Variants in CSMD3 observed in about 807,000 individuals in gnomAD.
The protein encoded by CSMD3 is CUB and sushi domain-containing protein 3.
A neutral mutation model predicts 435.2 loss-of-function variants in CSMD3; 177 were observed. The observed-to-expected ratio is 0.41, with a 90% CI of 0.36 to 0.46. The LOEUF (loss-of-function observed/expected upper bound fraction) is 0.46, where lower values mean the gene tolerates loss of function less well. CSMD3 is among the 20% of genes least tolerant of loss of function. The pLI is 0.34. For synonymous variants in CSMD3, 1,656 were observed against 1,520.5 expected (o/e 1.09, Z -2.07); for missense variants, 4,265 against 4,504.6 (o/e 0.95, Z 1.52).
chr8:112,300,068 T>C (rs1820763468), intron 53 of CSMD3, among the ~76,000 whole-genome samples: 1 of 149,060 alleles, frequency 6.7e-6, no homozygotes, highest in South Asian at 2.1e-4. Flanking sequence ...TTTAAAATGC[T>C]TTTAAAATTT....
intron 3 of CSMD3, among the ~76,000 whole-genome samples, chr8:113,263,304 A>G (rs2093441891): frequency 6.6e-6 from 1 of 152,072 alleles, no homozygotes; most frequent in South Asian, 2.1e-4. Flanking sequence ...AATTATTTTT[A>G]CTACATACTT....
chr8:113,153,074 GAAAA>G (rs765475595), intron 4 of CSMD3, among the ~76,000 whole-genome samples: 2 of 69,844 alleles, frequency 2.9e-5, no homozygotes, highest in Non-Finnish European at 2.6e-5. Flanking sequence ...AAAAAAGAAA[GAAAA>G]AGAAAGAAAG....
At chr8:112,697,456 G>A (rs939431582) in intron 13 of CSMD3, among the ~76,000 whole-genome samples, 3 of 152,098 alleles carry the variant, frequency 2.0e-5, no homozygotes, top group Non-Finnish European at 4.4e-5. Context: ...GGACGTGGAT[G>A]TTTGCATCAT....
intron 5 of CSMD3, among the ~76,000 whole-genome samples, chr8:113,072,510 T>C (rs969594580): frequency 6.6e-6 from 1 of 151,862 alleles, no homozygotes; most frequent in Non-Finnish European, 1.5e-5. Flanking sequence ...AAATTACGAA[T>C]GGATGCCCAC....
chr8:113,241,880 T>C (rs11984724), intron 3 of CSMD3, among the ~76,000 whole-genome samples: 24,639 of 151,552 alleles, frequency 0.16, 3,976 homozygotes, highest in African/African-American at 0.41. Context: ...TTTTTGTCCA[T>C]GATAGGTCCT....
chr8:112,407,267 A>AGT (rs1831942114), intron 34 of CSMD3, among the ~76,000 whole-genome samples: 2 of 152,032 alleles, frequency 1.3e-5, no homozygotes, highest in African/African-American at 2.4e-5. Flanking sequence ...TAGGTAGAAT[A>AGT]TATGTCAGAC....
At chr8:113,305,162 GA>G (rs1396941309) in intron 2 of CSMD3, among the ~76,000 whole-genome samples, 1 of 127,452 alleles carries the variant, frequency 7.8e-6, no homozygotes, top group Admixed American at 8.3e-5. Context: ...GGGGTTGGGG[GA>G]GGGGGGAGGG....
chr8:112,345,787 C>T (rs1825607353), intron 41 of CSMD3, among the ~76,000 whole-genome samples: 1 of 151,676 alleles, frequency 6.6e-6, no homozygotes, highest in Non-Finnish European at 1.5e-5. Flanking sequence ...AAAATGTATA[C>T]AAATTTCAAA....
At chr8:112,969,634 A>G (rs2130903229) in intron 7 of CSMD3, among the ~76,000 whole-genome samples, 1 of 152,158 alleles carries the variant, frequency 6.6e-6, no homozygotes, top group African/African-American at 2.4e-5. Context: ...GTAGTTATCT[A>G]AGTTAAATTC....
At chr8:112,602,488 C>T (rs1378535225) in intron 22 of CSMD3, among the ~76,000 whole-genome samples, 1 of 151,166 alleles carries the variant, frequency 6.6e-6, no homozygotes, top group African/African-American at 2.4e-5. Context: ...GTCATTTAAA[C>T]CCAGGAGGCG....
intron 2 of CSMD3, chr8:113,313,041 G>A (rs1387744000): frequency 6.6e-6 from 1 of 152,176 alleles, no homozygotes; most frequent in Non-Finnish European, 1.5e-5. Flanking sequence ...AGTGTCATCT[G>A]ACTGGAAGCA....
intron 15 of CSMD3, among the ~76,000 whole-genome samples, chr8:112,683,196 C>T (rs527253495): frequency 1.5e-4 from 23 of 151,864 alleles, no homozygotes; most frequent in African/African-American, 3.9e-4. Flanking sequence ...TTAATTCTTT[C>T]GCAATTACCA....
chr8:112,538,829 T>A (rs1365840981), intron 27 of CSMD3: 1 of 152,008 alleles, frequency 6.6e-6, no homozygotes, highest in African/African-American at 2.4e-5. Flanking sequence ...ATTTTCTTGC[T>A]CCTTGGCCAT....
At chr8:112,863,109 C>A (rs2080872139) in intron 10 of CSMD3, among the ~76,000 whole-genome samples, 1 of 151,928 alleles carries the variant, frequency 6.6e-6, no homozygotes, top group East Asian at 1.9e-4. Context: ...TAATATTAAC[C>A]CTTTTATATG....
intron 3 of CSMD3, among the ~76,000 whole-genome samples, chr8:113,192,567 T>A (rs2092600917): frequency 6.6e-6 from 1 of 151,662 alleles, no homozygotes; most frequent in African/African-American, 2.4e-5. Flanking sequence ...CTACCACTTT[T>A]TCTCTTATTT....
intron 16 of CSMD3, among the ~76,000 whole-genome samples, chr8:112,672,041 C>T (rs972381802): frequency 3.9e-5 from 6 of 151,974 alleles, no homozygotes; most frequent in African/African-American, 1.2e-4. Flanking sequence ...TCAAGAGATA[C>T]ACATTTTCTA....
At chr8:112,518,828 G>A (rs1016827587) in intron 27 of CSMD3, among the ~76,000 whole-genome samples, 2 of 152,206 alleles carry the variant, frequency 1.3e-5, no homozygotes, top group East Asian at 3.9e-4. Flanking sequence ...GGCTTAGTAG[G>A]AAGCATGGCT....
chr8:113,272,010 A>G (rs1426780285), intron 3 of CSMD3, among the ~76,000 whole-genome samples: 1 of 152,156 alleles, frequency 6.6e-6, no homozygotes, highest in Non-Finnish European at 1.5e-5. Context: ...TCAGACTTGC[A>G]TGGGCCTTGT....
chr8:113,388,389 C>T (rs1052834010), intron 1 of CSMD3, among the ~76,000 whole-genome samples: 9 of 151,266 alleles, frequency 5.9e-5, no homozygotes, highest in Non-Finnish European at 1.2e-4. Context: ...CATTGTGGTA[C>T]TATCTCCTGA....
Sources: allele counts gnomAD v4.1 joint callset (sites outside exome capture counted in the v4.1 genomes callset), GRCh38; gene constraint gnomAD v4.1.1; transcripts MANE v1.5; gene names NCBI Gene and HGNC (gene_info 2026-07-23, HGNC 2026-07-21).